The following DENND4A variants were observed in gnomAD, a reference collection of about 807,000 sequenced individuals.
The protein encoded by DENND4A is DENN domain containing 4A.
A neutral mutation model predicts 199.3 loss-of-function variants in DENND4A; 70 were observed. The observed-to-expected ratio is 0.35, with a 90% CI of 0.29 to 0.43. The LOEUF (loss-of-function observed/expected upper bound fraction) is 0.43, where lower values mean the gene tolerates loss of function less well. DENND4A is among the 20% of genes least tolerant of loss of function. The pLI, the probability that DENND4A is intolerant of heterozygous loss-of-function variation, is 1.00. For missense variants in DENND4A, 1,723 were observed against 2,255.8 expected, an observed-to-expected ratio of 0.76 and a Z score of 4.78; for synonymous variants, 686 against 766.9, an observed-to-expected ratio of 0.89 and a Z score of 1.74.
intron 23 of DENND4A, among the ~76,000 whole-genome samples, chr15:65,688,243 AATTT>A (rs1487182669): frequency 7.2e-5 from 11 of 151,974 alleles, no homozygotes. Context: ...TTCTTGCTAG[AATTT>A]ATTTTAATTT....
At chr15:65,680,241 G>A (rs770499960) in intron 23 of DENND4A, among the ~76,000 whole-genome samples, 46 of 152,256 alleles carry the variant, frequency 3.0e-4, no homozygotes, top group Middle Eastern at 6.8e-3. Context: ...CTACTTTGGA[G>A]GCTATACTTT....
intron 22 of DENND4A, among the ~76,000 whole-genome samples, chr15:65,694,173 GAGC>G (rs1255969964): frequency 4.6e-5 from 7 of 152,194 alleles, no homozygotes; most frequent in Non-Finnish European, 1.0e-4. Context: ...ATGAGGGCTG[GAGC>G]AGAGGCTCAC....
At chr15:65,697,461 A>T in intron 20 of DENND4A, 78 bp from the exon 21 acceptor site, 3 of 847,700 alleles carry the variant, frequency 3.5e-6, no homozygotes, top group Middle Eastern at 2.3e-4. Context: ...GCAACATACT[A>T]GTGTTTGGAT....
intron 3 of DENND4A, 46 bp from the exon 4 acceptor site, chr15:65,752,674 T>C (rs773586933): frequency 3.2e-6 from 4 of 1,240,296 alleles, no homozygotes; most frequent in Non-Finnish European, 3.3e-6. Context: ...ACTTTAAATA[T>C]GAAAAGTAAT....
intron 12 of DENND4A, 57 bp from the exon 13 acceptor site, chr15:65,718,053 T>C: frequency 7.9e-7 from 1 of 1,269,466 alleles, no homozygotes; most frequent in Non-Finnish European, 1.1e-6. Context: ...CTCATGATGG[T>C]ACCAATATAA....
chr15:65,734,642 A>C (rs2076061399), intron 7 of DENND4A, among the ~76,000 whole-genome samples: 1 of 152,090 alleles, frequency 6.6e-6, no homozygotes, highest in South Asian at 2.1e-4. Flanking sequence ...TCATAATCTA[A>C]ACAAACGTCA....
intron 4 of DENND4A, among the ~76,000 whole-genome samples, chr15:65,750,669 A>C (rs564806325): frequency 6.6e-6 from 1 of 151,988 alleles, no homozygotes; most frequent in African/African-American, 2.4e-5. Flanking sequence ...CTCACTTTCT[A>C]CTCCATAGAT....
Position 65,756,436 on chromosome 15 carries a change from CTTGTCTTCAATCATCTTCCATTACAGAAG to C in DENND4A, c.-15_14del. The C allele has an allele frequency of 1.2e-6, 2 of 1,606,968 alleles. No individual in the cohort carries two copies. Among genetic ancestry groups the C allele is most frequent in the Non-Finnish European group, 1.7e-6 (2 of 1,177,198 alleles). The stretch of plus-strand genomic sequence containing the variant: ...CAAAGTAGTCAGCAACACGAGGCCC[CTTGTCTTCAATCATCTTCCATTACAGAAG>C]GTTACATCTAAAAGGAAAGTAAAAG... On this transcript the variant is annotated start_lost and 5_prime_UTR_variant, in exon 3 of 33. Coordinates refer to ENST00000443035, the MANE Select transcript of DENND4A (RefSeq NM_001320835.1).
At chr15:65,675,652 C>T (rs2076350794) in intron 24 of DENND4A, among the ~76,000 whole-genome samples, 1 of 151,780 alleles carries the variant, frequency 6.6e-6, no homozygotes, top group African/African-American at 2.4e-5. Flanking sequence ...AGATTCTCAA[C>T]TTCATTTATA....
chr15:65,678,541 T>C (rs775736122), intron 23 of DENND4A, among the ~76,000 whole-genome samples: 1 of 152,258 alleles, frequency 6.6e-6, no homozygotes, highest in Non-Finnish European at 1.5e-5. Flanking sequence ...CCATTACTTT[T>C]CTAACTGGCT....
chr15:65,720,356 G>A (rs2075574830), intron 12 of DENND4A, among the ~76,000 whole-genome samples: 1 of 151,516 alleles, frequency 6.6e-6, no homozygotes. Flanking sequence ...AGTTCTTATT[G>A]TCTAAAAAAG....
intron 25 of DENND4A, among the ~76,000 whole-genome samples, 169 bp from the exon 26 acceptor site, chr15:65,670,357 T>C (rs532267289): frequency 6.6e-6 from 1 of 152,350 alleles, no homozygotes; most frequent in South Asian, 2.1e-4. Context: ...CGTCTTCAGC[T>C]AAATCCATTC....
intron 4 of DENND4A, among the ~76,000 whole-genome samples, chr15:65,752,127 CG>C (rs11430669): frequency 1.2e-4 from 6 of 50,848 alleles, no homozygotes; most frequent in Non-Finnish European, 7.6e-5. Context: ...TTGTAGTGGG[CG>C]GGGGGGGTGG....
Position 65,731,530 on chromosome 15 carries a change from G to T in DENND4A, c.1166+112C>A, listed in dbSNP as rs543061216. On this transcript the variant is annotated intron_variant, in intron 9 of 32. Transcript: ENST00000443035. ...GTAAAAGGAATTTAGAGAAGTAGTA[G>T]TTAAATGAGAAGTATTTCCATCAAT... The T allele has an allele frequency of 7.0e-6, 6 of 853,948 alleles. No individual in the cohort carries two copies. The African/African-American group carries it at 1.0e-4, about 15-fold the overall frequency. The allele number at this position is 853,948 out of a possible 1,614,324, so 52.9% of individuals were successfully genotyped here.
chr15:65,779,293 T>TA (rs2077371748), intron 1 of DENND4A, among the ~76,000 whole-genome samples: 1 of 151,538 alleles, frequency 6.6e-6, no homozygotes, highest in South Asian at 2.1e-4. Flanking sequence ...CCGTCTCTAC[T>TA]AAAAATAGAA....
At chr15:65,742,664 C>G (rs1220999193) in intron 4 of DENND4A, among the ~76,000 whole-genome samples, 1 of 152,184 alleles carries the variant, frequency 6.6e-6, no homozygotes, top group Non-Finnish European at 1.5e-5. Context: ...GTCTCGAACT[C>G]CTGACCTCAG....
At chr15:65,719,750 C>G (rs2075550168) in intron 12 of DENND4A, among the ~76,000 whole-genome samples, 1 of 150,422 alleles carries the variant, frequency 6.6e-6, no homozygotes, top group Admixed American at 6.6e-5. Flanking sequence ...TTTTAATTAG[C>G]TGGGTGTGAT....
At chr15:65,696,269 C>T in intron 22 of DENND4A, 97 bp downstream of exon 22, 1 of 1,428,674 alleles carries the variant, frequency 7.0e-7, no homozygotes, top group Non-Finnish European at 9.3e-7. Flanking sequence ...TTTTTAAAAT[C>T]ACCTTGGAGA....
At chr15:65,678,174 C>T (rs559056743) in intron 23 of DENND4A, among the ~76,000 whole-genome samples, 7 of 152,138 alleles carry the variant, frequency 4.6e-5, no homozygotes, top group East Asian at 1.9e-4. Flanking sequence ...GTGATCTGCC[C>T]GCCTCGGCCT....
Sources: allele counts gnomAD v4.1 joint callset (sites outside exome capture counted in the v4.1 genomes callset), GRCh38; gene constraint gnomAD v4.1.1; transcripts MANE v1.5; gene names NCBI Gene and HGNC (gene_info 2026-07-23, HGNC 2026-07-21).